Variants in NARS2 observed in about 807,000 individuals in gnomAD.
The protein encoded by NARS2 is asparaginyl-tRNA synthetase.
In NARS2, 60 loss-of-function variants were observed where a neutral mutation model predicts 62.9. The observed-to-expected ratio is 0.95, with a 90% CI of 0.77 to 1.18. The LOEUF is 1.18. NARS2 is among the 50% of genes most tolerant of loss of function. The pLI, the probability that NARS2 is intolerant of heterozygous loss-of-function variation, is 0.00. For missense variants in NARS2, 619 were observed against 576.4 expected (o/e 1.07, Z -0.76); for synonymous variants, 196 against 200.0 (o/e 0.98, Z 0.17).
intron 2 of NARS2, among the ~76,000 whole-genome samples, chr11:78,569,899 AATATTAGG>A (rs1210561471): frequency 4.6e-5 from 7 of 152,180 alleles, no homozygotes; most frequent in Non-Finnish European, 8.8e-5. Context: ...GGTTACCATT[AATATTAGG>A]GCCAGGTGTG....
chr11:78,549,115 C>T (rs4492845), intron 5 of NARS2, among the ~76,000 whole-genome samples: 104,271 of 152,126 alleles, frequency 0.69, 37,534 homozygotes, highest in Non-Finnish European at 0.81. Flanking sequence ...GCCTCCCTTC[C>T]TCAGCCCCAG....
chr11:78,505,316 ACACACACATACG>A (rs1268594944), intron 6 of NARS2, among the ~76,000 whole-genome samples: 1 of 126,150 alleles, frequency 7.9e-6, no homozygotes, highest in Non-Finnish European at 1.7e-5. Context: ...ACACACACAC[ACACACACATACG>A]TATGTATATA....
rs116745504 is a variant in NARS2 at position 78,490,309 on chromosome 11, A to C, written c.822+2754T>G. On this transcript the variant is annotated intron_variant, in intron 7 of 13. Coordinates refer to ENST00000281038, the MANE Select transcript of NARS2 (RefSeq NM_024678.6). ...ATAACTGATCTCTCTGGAGTAGTCC[A>C]ACCCTTTTTAATCAGTTCCCAACTT... Among the ~76,000 whole-genome samples, 636 of 152,292 alleles carry C rather than the reference A, an allele frequency of 4.2e-3. 2 individuals carry two copies. The highest frequency in any genetic ancestry group is 0.015 in the African/African-American group (608 of 41,550).
chr11:78,459,523 G>A (rs181414334), intron 11 of NARS2, among the ~76,000 whole-genome samples: 6 of 146,594 alleles, frequency 4.1e-5, no homozygotes, highest in African/African-American at 1.4e-4. Context: ...ACCCGCCTCG[G>A]CCTCCCAAAG....
intron 11 of NARS2, among the ~76,000 whole-genome samples, chr11:78,464,751 G>A (rs1422268833): frequency 6.6e-6 from 1 of 152,170 alleles, no homozygotes; most frequent in African/African-American, 2.4e-5. Flanking sequence ...GTGTCCACTG[G>A]TGCATTCACA....
At chr11:78,513,319 A>G (rs1860784166) in intron 6 of NARS2, among the ~76,000 whole-genome samples, 1 of 150,610 alleles carries the variant, frequency 6.6e-6, no homozygotes, top group South Asian at 2.1e-4. Flanking sequence ...TATTAAGTAT[A>G]AAATACTAAG....
intron 9 of NARS2, among the ~76,000 whole-genome samples, chr11:78,470,064 G>C (rs749581874): frequency 6.6e-6 from 1 of 152,174 alleles, no homozygotes; most frequent in African/African-American, 2.4e-5. Flanking sequence ...AAAAAGGGCA[G>C]TCAGCGTGAC....
At chr11:78,451,805 T>C (rs528509212) in intron 11 of NARS2, among the ~76,000 whole-genome samples, 23 of 152,340 alleles carry the variant, frequency 1.5e-4, no homozygotes, top group African/African-American at 4.6e-4. Context: ...CAGATATTGA[T>C]TGTCTACTAA....
At position 78,571,306 on chromosome 11, in the gene NARS2, A is replaced by G. The variant is rs141773195; in HGVS notation, c.251+29T>C. The stretch of plus-strand genomic sequence containing the variant: ...GCACTAGAGGTGAAAAACAAAAATC[A>G]AAGAATTCTTTTAAAAAACAAAACT... On this transcript the variant is annotated intron_variant, in intron 2 of 13. Coordinates refer to ENST00000281038, the MANE Select transcript of NARS2 (RefSeq NM_024678.6). 192 of 1,471,192 alleles carry G rather than the reference A, an allele frequency of 1.3e-4. 1 individual carries two copies. The East Asian group carries it at 4.0e-3, about 30-fold the overall frequency. The allele number at this position is 1,471,192 out of a possible 1,614,324, so 91.1% of individuals were successfully genotyped here. A position where few individuals can be genotyped will look rare whatever the true frequency, so the allele number is the denominator to read the frequency against.
chr11:78,497,315 A>G (rs1279779423), intron 6 of NARS2, among the ~76,000 whole-genome samples: 1 of 151,606 alleles, frequency 6.6e-6, no homozygotes, highest in African/African-American at 2.4e-5. Flanking sequence ...AGCCCTCAAG[A>G]TGGCAAATAG....
At chr11:78,442,621 TTC>T (rs141925190) in intron 12 of NARS2, among the ~76,000 whole-genome samples, 30,393 of 143,636 alleles carry the variant, frequency 0.21, 3,361 homozygotes, top group East Asian at 0.41. Context: ...GGTAAAGTCT[TTC>T]TTTTTTTTTT....
intron 7 of NARS2, among the ~76,000 whole-genome samples, chr11:78,480,771 T>C (rs943487762): frequency 6.7e-6 from 1 of 148,306 alleles, no homozygotes; most frequent in Admixed American, 6.6e-5. Flanking sequence ...AGAATTAAAG[T>C]AAACTTTCTA....
intron 11 of NARS2, among the ~76,000 whole-genome samples, chr11:78,448,320 T>C (rs948472801): frequency 4.3e-5 from 3 of 70,144 alleles, no homozygotes; most frequent in Non-Finnish European, 7.5e-5. Context: ...TAGTAATCAC[T>C]TTTTTTTTTT....
intron 11 of NARS2, among the ~76,000 whole-genome samples, chr11:78,450,253 T>C (rs540105051): frequency 4.6e-5 from 7 of 152,218 alleles, no homozygotes; most frequent in Non-Finnish European, 5.9e-5. Context: ...GGAAGAACAG[T>C]AGTTCTCCTA....
intron 6 of NARS2, among the ~76,000 whole-genome samples, chr11:78,509,365 A>G (rs1393661798): frequency 6.6e-6 from 1 of 152,202 alleles, no homozygotes; most frequent in Non-Finnish European, 1.5e-5. Flanking sequence ...AAAGTACACT[A>G]GGCATTAGCT....
At chr11:78,571,507 C>T in intron 1 of NARS2, 63 bp from the exon 2 acceptor site, 7 of 1,108,624 alleles carry the variant, frequency 6.3e-6, no homozygotes, top group Non-Finnish European at 8.1e-6. Flanking sequence ...TACACATACA[C>T]ACACAGACTA....
intron 5 of NARS2, among the ~76,000 whole-genome samples, chr11:78,557,254 G>A (rs1856386825): frequency 6.6e-6 from 1 of 152,092 alleles, no homozygotes; most frequent in African/African-American, 2.4e-5. Context: ...CTTCATTTCT[G>A]TCAGAGAAAA....
chr11:78,487,126 T>TGGGC (rs1859609040), intron 7 of NARS2, among the ~76,000 whole-genome samples: 1 of 151,834 alleles, frequency 6.6e-6, no homozygotes, highest in South Asian at 2.1e-4. Context: ...GAGTCTGAGG[T>TGGGC]GGGCGGATCA....
At chr11:78,554,551 T>A (rs1856270057) in intron 5 of NARS2, among the ~76,000 whole-genome samples, 1 of 133,568 alleles carries the variant, frequency 7.5e-6, no homozygotes, top group African/African-American at 2.6e-5. Flanking sequence ...TGGGACTGAC[T>A]TTCTGCTTTG....
Sources: allele counts gnomAD v4.1 joint callset (sites outside exome capture counted in the v4.1 genomes callset), GRCh38; gene constraint gnomAD v4.1.1; transcripts MANE v1.5; gene names NCBI Gene and HGNC (gene_info 2026-07-23, HGNC 2026-07-21).